DAB1: variants seen among roughly 807,000 people sequenced by gnomAD.
The protein encoded by DAB1 is disabled homolog 1.
In DAB1, 15 loss-of-function variants were observed where a neutral mutation model predicts 64.6. The observed-to-expected ratio is 0.23, with a 90% CI of 0.16 to 0.36. The LOEUF (loss-of-function observed/expected upper bound fraction) is 0.36, where lower values mean the gene tolerates loss of function less well. DAB1 is among the 10% of genes least tolerant of loss of function. The pLI, the probability that DAB1 is intolerant of heterozygous loss-of-function variation, is 1.00. For synonymous variants in DAB1, 235 were observed against 251.9 expected, an observed-to-expected ratio of 0.93 and a Z score of 0.64; for missense variants, 596 against 706.7, an observed-to-expected ratio of 0.84 and a Z score of 1.78.
chr1:57,906,970 A>G (rs573648983), intron 5 of DAB1, among the ~76,000 whole-genome samples: 9 of 152,048 alleles, frequency 5.9e-5, no homozygotes, highest in African/African-American at 2.2e-4. Flanking sequence ...ATAGATAGAT[A>G]GATAGATAGA....
chr1:57,230,320 GA>G (rs77981305), intron 2 of DAB1, among the ~76,000 whole-genome samples: 1,187 of 91,334 alleles, frequency 0.013, 8 homozygotes, highest in African/African-American at 0.034. Context: ...CCCCTTCAGA[GA>G]AAAAAAAAAA....
intron 7 of DAB1, among the ~76,000 whole-genome samples, chr1:57,504,129 A>G (rs1644318614): frequency 6.6e-6 from 1 of 152,210 alleles, no homozygotes; most frequent in Non-Finnish European, 1.5e-5. Context: ...TTACTGTGAG[A>G]CATCAAATTG....
intron 7 of DAB1, among the ~76,000 whole-genome samples, chr1:57,459,377 T>C (rs1273251412): frequency 6.6e-6 from 1 of 152,196 alleles, no homozygotes; most frequent in Non-Finnish European, 1.5e-5. Context: ...CAGTTTGTCA[T>C]GGTGACAAAT....
chr1:58,349,454 TATC>T (rs1298101688), intron 3 of DAB1, among the ~76,000 whole-genome samples: 1 of 137,070 alleles, frequency 7.3e-6, no homozygotes, highest in Admixed American at 7.6e-5. Flanking sequence ...TTATTATTAT[TATC>T]ATTATTACTA....
intron 1 of DAB1, among the ~76,000 whole-genome samples, chr1:57,348,077 T>C (rs992127312): frequency 7.2e-5 from 11 of 152,314 alleles, no homozygotes; most frequent in African/African-American, 2.6e-4. Flanking sequence ...ACAAGGGTAT[T>C]TGAGCAGCAC....
intron 5 of DAB1, among the ~76,000 whole-genome samples, chr1:58,149,477 A>G (rs1396506329): frequency 6.6e-6 from 1 of 152,190 alleles, no homozygotes; most frequent in African/African-American, 2.4e-5. Context: ...CCTTAGTGAT[A>G]GTTACCCTGA....
rs1645566549 is a variant in DAB1 at position 56,995,025 on chromosome 1, A to G, written c.*3119T>C. 1 of 152,218 alleles carries G rather than the reference A, an allele frequency of 6.6e-6. No individual in the cohort carries two copies. Among genetic ancestry groups the G allele is most frequent in the Admixed American group, 6.5e-5 (1 of 15,280 alleles). The allele number at this position is 152,218 out of a possible 1,614,324, so 9.4% of individuals were successfully genotyped here. A position where few individuals can be genotyped will look rare whatever the true frequency, so the allele number is the denominator to read the frequency against. ...TATGTGTCAGAACGCAGAAATTGAA[A>G]TGAACCAAACCCACAGAGTAAACAT... On this transcript the variant is annotated 3_prime_UTR_variant, in exon 15 of 15. Transcript: ENST00000371236.
intron 1 of DAB1, among the ~76,000 whole-genome samples, chr1:57,320,095 A>T (rs1300803073): frequency 6.6e-6 from 1 of 152,180 alleles, no homozygotes; most frequent in Non-Finnish European, 1.5e-5. Context: ...GTACTGTGAT[A>T]GGGTTTGGCT....
At chr1:57,142,627 C>CAT (rs1553147879) in intron 3 of DAB1, among the ~76,000 whole-genome samples, 12 of 144,178 alleles carry the variant, frequency 8.3e-5, no homozygotes, top group African/African-American at 2.9e-4. Context: ...CACACACACA[C>CAT]ACATACACAC....
intron 7 of DAB1, among the ~76,000 whole-genome samples, chr1:57,572,718 A>C (rs563365157): frequency 6.6e-6 from 1 of 152,326 alleles, no homozygotes; most frequent in African/African-American, 2.4e-5. Context: ...TATTAAAAAA[A>C]GAGGCTTACT....
intron 5 of DAB1, among the ~76,000 whole-genome samples, chr1:57,974,503 T>TAG (rs1645872883): frequency 6.6e-6 from 1 of 151,722 alleles, no homozygotes; most frequent in African/African-American, 2.4e-5. Context: ...TATATATAGA[T>TAG]ATATAGATAG....
intron 4 of DAB1, among the ~76,000 whole-genome samples, chr1:58,198,286 A>G (rs1657802492): frequency 6.6e-6 from 1 of 152,238 alleles, no homozygotes; most frequent in Non-Finnish European, 1.5e-5. Context: ...AGCCCTGGAA[A>G]TAGTCAATGG....
chr1:58,460,154 T>G (rs997184343), intron 3 of DAB1, among the ~76,000 whole-genome samples: 1 of 152,116 alleles, frequency 6.6e-6, no homozygotes, highest in African/African-American at 2.4e-5. Flanking sequence ...CATGGATGAC[T>G]CCACAAGAGT....
intron 1 of DAB1, among the ~76,000 whole-genome samples, chr1:57,360,791 T>C (rs1349042079): frequency 2.0e-5 from 3 of 152,176 alleles, no homozygotes; most frequent in African/African-American, 7.2e-5. Context: ...GGCCCTTTGT[T>C]CTGGAATGAT....
intron 4 of DAB1, among the ~76,000 whole-genome samples, chr1:58,301,510 A>G (rs1027452355): frequency 5.3e-5 from 8 of 152,082 alleles, no homozygotes; most frequent in African/African-American, 1.9e-4. Flanking sequence ...TTTTTAGCTC[A>G]TCAGCTATCA....
At chr1:57,564,662 C>A (rs1212314049) in intron 7 of DAB1, among the ~76,000 whole-genome samples, 1 of 152,130 alleles carries the variant, frequency 6.6e-6, no homozygotes, top group Non-Finnish European at 1.5e-5. Flanking sequence ...CCAATCTGAT[C>A]AACTGGAAGA....
intron 7 of DAB1, among the ~76,000 whole-genome samples, chr1:57,570,598 C>T (rs568019582): frequency 1.2e-4 from 18 of 152,154 alleles, no homozygotes; most frequent in South Asian, 6.2e-4. Flanking sequence ...AGTTTGAAGT[C>T]GGGTAATGTG....
chr1:57,453,874 G>GA (rs60048639), intron 7 of DAB1, among the ~76,000 whole-genome samples: 5,200 of 152,080 alleles, frequency 0.034, 302 homozygotes, highest in African/African-American at 0.12. Context: ...CATGAAAGAA[G>GA]AAAAAAGAAG....
At chr1:57,512,031 T>C (rs1644412146) in intron 7 of DAB1, among the ~76,000 whole-genome samples, 1 of 152,156 alleles carries the variant, frequency 6.6e-6, no homozygotes, top group Admixed American at 6.5e-5. Flanking sequence ...ACAACCACAC[T>C]AGGAGATAGA....
Sources: allele counts gnomAD v4.1 joint callset (sites outside exome capture counted in the v4.1 genomes callset), GRCh38; gene constraint gnomAD v4.1.1; transcripts MANE v1.5; gene names NCBI Gene and HGNC (gene_info 2026-07-23, HGNC 2026-07-21).